The following SRRM2 variants were observed in gnomAD, a reference collection of about 807,000 sequenced individuals.
SRRM2 encodes the protein serine/arginine repetitive matrix protein 2.
In SRRM2, 30 loss-of-function variants were observed where a neutral mutation model predicts 213.8. That is an observed-to-expected ratio of 0.14 (90% CI 0.10 to 0.19). The LOEUF (loss-of-function observed/expected upper bound fraction) is 0.19. Among genes scored for constraint, SRRM2 ranks in the 10% least tolerant of loss-of-function variants. The pLI, the probability that SRRM2 is intolerant of heterozygous loss-of-function variation, is 1.00. For missense variants in SRRM2, 4,904 were observed against 3,647.0 expected, an observed-to-expected ratio of 1.34 and a Z score of -8.88; for synonymous variants, 2,025 against 1,377.7, an observed-to-expected ratio of 1.47 and a Z score of -10.40.
chr16:2,765,212 T>C lies in SRRM2; in HGVS notation c.4684T>C (p.Ser1562Pro). The change falls in exon 11 of 15, where the codon TCT (serine) becomes CCT (proline). Residue 1562 changes from serine to proline, a missense_variant. Coordinates refer to ENST00000301740, the MANE Select transcript of SRRM2 (RefSeq NM_016333.4). ...TCAGGAAAGAAGTGAGTCAGACTCT[T>C]CTCCAGATTCTAAAGCCAAGACAAG... ...SPQERSESDS[S>P]PDSKAKTRTP... 6.2e-7 allele frequency: 1 copy of C among 1,614,030 alleles called. No individual in the cohort carries two copies.
intron 1 of SRRM2, among the ~76,000 whole-genome samples, chr16:2,754,085 C>T (rs971043094): frequency 1.6e-4 from 24 of 152,294 alleles, no homozygotes; most frequent in African/African-American, 5.3e-4. Flanking sequence ...TATCCACTGT[C>T]TATGGCCCCC....
Position 2,764,846 on chromosome 16 carries a change from A to T in SRRM2, c.4318A>T (p.Arg1440Trp). ...GLPRTPSRRS[R>W]SGSSPGLRDG... ...ACCCAGAACTCCATCAAGGAGAAGC[A>T]GGTCTGGGTCTTCTCCAGGACTTAG... The change falls in exon 11 of 15, where the codon AGG (arginine) becomes TGG (tryptophan). Residue 1440 changes from arginine (R) to tryptophan (W), a missense_variant. Physicochemically the swap from Arg to Trp is moderately radical, Grantham distance 101 (BLOSUM62 -3). Transcript: ENST00000301740. 6.2e-7 allele frequency: 1 copy of T among 1,614,218 alleles called. No individual in the cohort carries two copies. The highest frequency in any genetic ancestry group is 1.1e-5 in the South Asian group (1 of 91,086).
Position 2,764,675 on chromosome 16 carries a change from A to G in SRRM2, c.4147A>G (p.Ser1383Gly), listed in dbSNP as rs2068478261. Residue 1383 changes from serine (S) to glycine (G), a missense_variant, in exon 11 of 15, where the codon AGT (serine) becomes GGT (glycine). Transcript: ENST00000301740. ...ATCGACAAGATCCTCTGGACACAGC[A>G]GTTCTGAGTTATCCCCAGATGCAGT... ...EQSTRSSGHS[S>G]SELSPDAVEK... 1.2e-6 allele frequency: 2 copies of G among 1,614,158 alleles called. No individual in the cohort carries two copies. The highest frequency in any genetic ancestry group is 1.7e-6 in the Non-Finnish European group (2 of 1,180,046).
In SRRM2 at chr16:2,764,545, T is replaced by C; in HGVS notation, c.4017T>C (p.Leu1339=). The change falls in exon 11 of 15, where the codon CTT becomes CTC. Residue 1339 remains leucine (L), a synonymous_variant. Coordinates refer to ENST00000301740, the MANE Select transcript of SRRM2 (RefSeq NM_016333.4). The part of the protein sequence containing the change: ...SPLEFRNSGP[L]GTEMNTGFSS... Reference sequence around the variant, plus strand: ...TAGAATTTAGAAACTCAGGCCCACTTGGTACAGAAATGAATACTGGATTTT... The same window carrying C: ...TAGAATTTAGAAACTCAGGCCCACTCGGTACAGAAATGAATACTGGATTTT... 3 of 1,614,210 alleles carry C rather than the reference T, an allele frequency of 1.9e-6. No homozygotes were observed. The highest frequency in any genetic ancestry group is 2.5e-6 in the Non-Finnish European group (3 of 1,180,030).
chr16:2,765,484 C>G lies in SRRM2; in HGVS notation c.4956C>G (p.Ser1652Arg), dbSNP rs1447016244. The change falls in exon 11 of 15, where the codon AGC becomes AGG. Residue 1652 changes from serine to arginine, a missense_variant. By Grantham distance (110) the Ser-to-Arg change is moderately radical. Transcript: ENST00000301740. The part of the protein sequence containing the change: ...SKGRGPSPEG[S>R]SSTESSPEHP... Reference sequence around the variant, plus strand: ...GCAGAGGCCCTTCTCCTGAAGGAAGCAGCAGTACCGAGTCCTCTCCTGAAC... The same window carrying G: ...GCAGAGGCCCTTCTCCTGAAGGAAGGAGCAGTACCGAGTCCTCTCCTGAAC... 6.2e-7 allele frequency: 1 copy of G among 1,614,186 alleles called. No homozygotes were observed. The highest frequency in any genetic ancestry group is 2.2e-5 in the East Asian group (1 of 44,884).
Position 2,764,732 on chromosome 16 carries a change from A to G in SRRM2, c.4204A>G (p.Ile1402Val), listed in dbSNP as rs201268365. ...GGCAGGGATGTCTTCAAATCAGAGC[A>G]TCTCTTCACCTGTGCTTGATGCTGT... ...EKAGMSSNQS[I>V]SSPVLDAVPR... Residue 1402 changes from isoleucine to valine, a missense_variant, in exon 11 of 15, where the codon ATC (isoleucine) becomes GTC (valine). Ile to Val is a conservative substitution (Grantham distance 29, BLOSUM62 3). Coordinates refer to ENST00000301740, the MANE Select transcript of SRRM2 (RefSeq NM_016333.4). 4.0e-5 allele frequency: 65 copies of G among 1,614,056 alleles called. No individual in the cohort carries two copies. Among genetic ancestry groups the G allele is most frequent in the Non-Finnish European group, 5.3e-5 (63 of 1,180,034 alleles).
chr16:2,762,674 A>G lies in SRRM2; in HGVS notation c.2146A>G (p.Arg716Gly). 1.9e-6 allele frequency: 3 copies of G among 1,614,232 alleles called. No individual in the cohort carries two copies. The highest frequency in any genetic ancestry group is 2.2e-5 in the East Asian group (1 of 44,884). ...AGTTAGACGTGGAAGATCTCACTCT[A>G]GAACACCTCAAAGAAGAGGCAGATC... ...SLVRRGRSHS[R>G]TPQRRGRSGS... Residue 716 changes from arginine (R) to glycine (G), a missense_variant, in exon 11 of 15, where the codon AGA becomes GGA. By Grantham distance (125) the Arg-to-Gly change is moderately radical (BLOSUM62 -2). Coordinates refer to ENST00000301740, the MANE Select transcript of SRRM2 (RefSeq NM_016333.4).
rs763982010 is a variant in SRRM2, at chr16:2,767,877, C to G, written c.7349C>G (p.Pro2450Arg). ...LPPAQDQPRS[P>R]VPSAFSDQSR... The stretch of plus-strand genomic sequence containing the variant: ...CCAGCACAGGATCAGCCGAGGTCTC[C>G]TGTGCCTTCTGCTTTTTCAGACCAA... Residue 2450 changes from proline to arginine, a missense_variant, in exon 11 of 15, where the codon CCT becomes CGT. Physicochemically the swap from Pro to Arg is moderately radical, Grantham distance 103. Transcript: ENST00000301740. The G allele has an allele frequency of 3.1e-6, 5 of 1,614,194 alleles. No individual in the cohort carries two copies. Among genetic ancestry groups the G allele is most frequent in the Non-Finnish European group, 4.2e-6 (5 of 1,180,030 alleles).
In SRRM2 at chr16:2,762,144, G is replaced by C; in HGVS notation, c.1616G>C (p.Arg539Pro). 1.2e-6 allele frequency: 2 copies of C among 1,613,668 alleles called. No homozygotes were observed. The highest frequency in any genetic ancestry group is 1.7e-6 in the Non-Finnish European group (2 of 1,179,910). ...QRRGRSRSPQ[R>P]PGWSRSRNTQ... ...CGTGGCCGCTCTAGGTCTCCTCAGCGACCAGGCTGGTCTAGGAGCAGAAAT... is the reference window on the plus strand; with the variant it reads ...CGTGGCCGCTCTAGGTCTCCTCAGCCACCAGGCTGGTCTAGGAGCAGAAAT... Residue 539 changes from arginine to proline, a missense_variant, in exon 11 of 15, where the codon CGA becomes CCA. Arg to Pro is a moderately radical substitution (Grantham distance 103, BLOSUM62 -2). Transcript: ENST00000301740.
At chr16:2,769,329 C>G in intron 12 of SRRM2, 45 bp downstream of exon 12, 1 of 1,525,730 alleles carries the variant, frequency 6.6e-7, no homozygotes, top group Non-Finnish European at 8.8e-7. Context: ...GGGGGAGTGA[C>G]TTGTCCAGAG....
In SRRM2 at chr16:2,769,140, C is replaced by G; in HGVS notation, c.7877C>G (p.Ser2626Cys). ...SSSSSSSSSS[S>C]SSSSSSSSSS... ...TCTTCCTCCTCCTCCTCCTCCTCCT[C>G]TTCTTCCTCCTCCTCTTCCTCTTCT... The change falls in exon 12 of 15, where the codon TCT becomes TGT. Residue 2626 changes from serine to cysteine, a missense_variant. Ser to Cys is a moderately radical substitution (Grantham distance 112). Transcript: ENST00000301740. 1 of 1,610,364 alleles carries G rather than the reference C, an allele frequency of 6.2e-7. No homozygotes were observed. Among genetic ancestry groups the G allele is most frequent in the Non-Finnish European group, 8.5e-7 (1 of 1,176,892 alleles).
Position 2,762,961 on chromosome 16 carries a change from A to G in SRRM2, c.2433A>G (p.Pro811=). Residue 811 remains proline, a synonymous_variant, in exon 11 of 15, where the codon CCA becomes CCG. Transcript: ENST00000301740. The part of the protein sequence containing the change: ...SSQPKAKSRT[P]PRRSRSSSSP... ...AACCTAAAGCTAAATCTAGAACGCC[A>G]CCCAGACGCAGTCGCTCCAGTTCTT... 6.2e-7 allele frequency: 1 copy of G among 1,611,220 alleles called. No homozygotes were observed. The highest frequency in any genetic ancestry group is 8.5e-7 in the Non-Finnish European group (1 of 1,177,548).
rs528015169 is a variant in SRRM2, at chr16:2,756,344, G to A, written c.-21G>A. On this transcript the variant is annotated 5_prime_UTR_variant, in exon 2 of 15. Coordinates refer to ENST00000301740, the MANE Select transcript of SRRM2 (RefSeq NM_016333.4). ...CCCGCTCCCCCTCAGGAGCGGTGGT[G>A]CCCCCCCCGGGCACGGGGCCATGTA... 3.2e-5 allele frequency: 51 copies of A among 1,578,452 alleles called. 1 individual carries two copies. The highest frequency in any genetic ancestry group is 9.5e-5 in the African/African-American group (7 of 74,034).
At chr16:2,760,583 A>T in intron 10 of SRRM2, 84 bp downstream of exon 10, 2 of 1,440,650 alleles carry the variant, frequency 1.4e-6, no homozygotes, top group South Asian at 1.3e-5. Context: ...GAGAGGTAAT[A>T]ACTTATTAAA....
In SRRM2 at chr16:2,761,847, G is replaced by A; in HGVS notation, c.1319G>A (p.Ser440Asn). The change falls in exon 11 of 15, where the codon AGT becomes AAT. Residue 440 changes from serine to asparagine, a missense_variant. Coordinates refer to ENST00000301740, the MANE Select transcript of SRRM2 (RefSeq NM_016333.4). ...VSRHASSSPE[S>N]PKPAPAPGSH... ...CGGCATGCCAGCTCTTCCCCAGAAA[G>A]TCCTAAACCTGCTCCAGCTCCAGGG... 1 of 1,613,220 alleles carries A rather than the reference G, an allele frequency of 6.2e-7. No individual in the cohort carries two copies. The highest frequency in any genetic ancestry group is 8.5e-7 in the Non-Finnish European group (1 of 1,180,008).
Position 2,763,076 on chromosome 16 carries a change from C to T in SRRM2, c.2548C>T (p.Pro850Ser). 1 of 1,614,172 alleles carries T rather than the reference C, an allele frequency of 6.2e-7. No homozygotes were observed. The change falls in exon 11 of 15, where the codon CCG (proline) becomes TCG (serine). Residue 850 changes from proline to serine, a missense_variant. Coordinates refer to ENST00000301740, the MANE Select transcript of SRRM2 (RefSeq NM_016333.4). ...TCCTAAAGTGAAATCTGGAACACCA[C>T]CGAGGCAAGGGTCCATAACAAGTCC... ...PHPKVKSGTP[P>S]RQGSITSPQA...
In SRRM2 at chr16:2,761,629, T is replaced by G. The variant is rs1441836851; in HGVS notation, c.1101T>G (p.Thr367=). The part of the protein sequence containing the change: ...SSTGPEPPAP[T]PLLAERHGGS... ...CAGGCCCAGAACCACCTGCTCCCAC[T>G]CCGCTCCTTGCTGAGCGACATGGCG... The change falls in exon 11 of 15, where the codon ACT becomes ACG. Residue 367 remains threonine (T), a synonymous_variant. Transcript: ENST00000301740. 5.7e-6 allele frequency: 9 copies of G among 1,569,184 alleles called. No individual in the cohort carries two copies. The highest frequency in any genetic ancestry group is 3.4e-4 in the Middle Eastern group (2 of 5,800).
At chr16:2,754,403 C>T (rs1378131014) in intron 1 of SRRM2, among the ~76,000 whole-genome samples, 1 of 152,060 alleles carries the variant, frequency 6.6e-6, no homozygotes, top group Non-Finnish European at 1.5e-5. Context: ...AAGCGATTCT[C>T]CTGCTTCAGC....
intron 1 of SRRM2, chr16:2,753,681 T>G (rs1313164316): frequency 2.0e-5 from 3 of 152,248 alleles, no homozygotes; most frequent in Non-Finnish European, 4.4e-5. Context: ...ACAGCTCTTC[T>G]GAAGCTTGGT....
Sources: gnomAD v4.1 joint callset for allele counts (sites outside exome capture counted in the v4.1 genomes callset) on GRCh38, gnomAD v4.1.1 for gene constraint, MANE v1.5 for transcripts, NCBI Gene and HGNC (gene_info 2026-07-23, HGNC 2026-07-21) for gene names.